The following RETREG1 variants were observed in gnomAD, a reference collection of about 807,000 sequenced individuals.
RETREG1 encodes reticulophagy regulator 1, also known as family with sequence similarity 134 member B.
RETREG1 carries 44 observed loss-of-function variants against 54.8 expected under a neutral mutation model. The observed-to-expected ratio is 0.80, with a 90% CI of 0.63 to 1.03. RETREG1 has a LOEUF of 1.03. Ranked by LOEUF, RETREG1 falls within the 50% of genes least tolerant of loss-of-function variation. RETREG1 has a pLI of 0.00. For synonymous variants in RETREG1, 217 were observed against 238.5 expected, an observed-to-expected ratio of 0.91 and a Z score of 0.83; for missense variants, 554 against 605.1, an observed-to-expected ratio of 0.92 and a Z score of 0.89.
chr5:16,553,693 A>AC (rs1414468038), intron 3 of RETREG1, among the ~76,000 whole-genome samples: 2 of 152,248 alleles, frequency 1.3e-5, no homozygotes, highest in African/African-American at 4.8e-5. Context: ...AGGCAGCAGG[A>AC]CGGGGTGGGC....
Position 16,571,766 on chromosome 5 carries a change from A to C in RETREG1, c.427+230T>G, listed in dbSNP as rs57769014. Among the ~76,000 whole-genome samples the C allele has an allele frequency of 3.2e-3, 492 of 152,272 alleles. 3 individuals are homozygous for C. Among genetic ancestry groups the C allele is most frequent in the African/African-American group, 0.011 (476 of 41,562 alleles). On this transcript the variant is annotated intron_variant, in intron 2 of 8. Coordinates refer to ENST00000306320, the MANE Select transcript of RETREG1 (RefSeq NM_001034850.3). ...TACTTAAATACCAACGTGGTATTTA[A>C]AATAGCTCTTAAGACCAAGAGAAAA...
intron 1 of RETREG1, 25 bp downstream of exon 1, chr5:16,616,627 G>T (rs1229247248): frequency 9.5e-6 from 15 of 1,571,002 alleles, no homozygotes; most frequent in Non-Finnish European, 1.3e-5. Context: ...CCTCCTCAGC[G>T]CCCCCACCTT....
intron 1 of RETREG1, among the ~76,000 whole-genome samples, chr5:16,583,962 T>C (rs545898108): frequency 6.6e-6 from 1 of 152,272 alleles, no homozygotes; most frequent in South Asian, 2.1e-4. Context: ...ACTGCAGCCA[T>C]AAGAAGGAAT....
chr5:16,572,173 C>A, intron 1 of RETREG1, 71 bp from the exon 2 acceptor site: 1 of 1,067,152 alleles, frequency 9.4e-7, no homozygotes, highest in Non-Finnish European at 1.5e-6. Flanking sequence ...GGGTTTACTT[C>A]CTGCCACAGA....
At position 16,474,669 on chromosome 5, in the gene RETREG1, C is replaced by CTTTTTTTTTTTTTTTTCTTTTTT; in HGVS notation, c.*71_*72insAAAAAAGAAAAAAAAAAAAAAAA. 7.9e-7 allele frequency: 1 copy of CTTTTTTTTTTTTTTTTCTTTTTT among 1,264,832 alleles called. No individual in the cohort carries two copies. The highest frequency in any genetic ancestry group is 1.1e-6 in the Non-Finnish European group (1 of 938,062). The allele number at this position is 1,264,832 out of a possible 1,614,324, so 78.4% of individuals were successfully genotyped here. ...CTTACAGTTCAATTTTTTTCTTTTC[C>CTTTTTTTTTTTTTTTTCTTTTTT]TTTTTTTTTTTTTTTTCTTGTTTGA... On this transcript the variant is annotated 3_prime_UTR_variant, in exon 9 of 9. Coordinates refer to ENST00000306320, the MANE Select transcript of RETREG1 (RefSeq NM_001034850.3).
At chr5:16,478,601 G>A (rs1738637231) in intron 6 of RETREG1, among the ~76,000 whole-genome samples, 1 of 152,104 alleles carries the variant, frequency 6.6e-6, no homozygotes, top group Admixed American at 6.5e-5. Flanking sequence ...GCACAATAAA[G>A]AGTGTTGAAG....
At chr5:16,596,626 T>C (rs1343665532) in intron 1 of RETREG1, among the ~76,000 whole-genome samples, 1 of 152,176 alleles carries the variant, frequency 6.6e-6, no homozygotes, top group Non-Finnish European at 1.5e-5. Flanking sequence ...CAGCCTATTC[T>C]AGGATCCGGC....
chr5:16,599,834 A>G (rs1743004411), intron 1 of RETREG1, among the ~76,000 whole-genome samples: 1 of 152,206 alleles, frequency 6.6e-6, no homozygotes, highest in Admixed American at 6.5e-5. Flanking sequence ...AAAGGAGACA[A>G]CAGTGGGGAT....
At chr5:16,543,892 TC>T (rs1741315711) in intron 3 of RETREG1, among the ~76,000 whole-genome samples, 2 of 152,018 alleles carry the variant, frequency 1.3e-5, no homozygotes, top group Non-Finnish European at 2.9e-5. Context: ...ATGTTGAGCA[TC>T]TTTTTATGTG....
At chr5:16,552,942 T>TA (rs1240869520) in intron 3 of RETREG1, among the ~76,000 whole-genome samples, 5 of 152,316 alleles carry the variant, frequency 3.3e-5, no homozygotes, top group African/African-American at 1.2e-4. Flanking sequence ...CAGCCAGCCC[T>TA]AGAACAGGGC....
chr5:16,495,944 G>C (rs765204560), intron 3 of RETREG1, among the ~76,000 whole-genome samples: 3 of 152,056 alleles, frequency 2.0e-5, no homozygotes, highest in Non-Finnish European at 4.4e-5. Context: ...GGGACTGAGG[G>C]GGTTATCAAA....
intron 3 of RETREG1, among the ~76,000 whole-genome samples, chr5:16,533,294 C>T (rs550064261): frequency 2.2e-4 from 33 of 152,156 alleles, no homozygotes; most frequent in African/African-American, 5.1e-4. Flanking sequence ...CCACCCGCCT[C>T]GGCCTCCCAA....
intron 1 of RETREG1, among the ~76,000 whole-genome samples, chr5:16,606,741 C>T (rs1743201756): frequency 6.6e-6 from 1 of 152,202 alleles, no homozygotes; most frequent in African/African-American, 2.4e-5. Flanking sequence ...CCCCACTTAC[C>T]TTGGCTCAGC....
intron 3 of RETREG1, among the ~76,000 whole-genome samples, chr5:16,555,288 A>G (rs1741674940): frequency 6.6e-6 from 1 of 152,168 alleles, no homozygotes; most frequent in Non-Finnish European, 1.5e-5. Flanking sequence ...AGTACCTGGG[A>G]CTACAGGCGT....
intron 1 of RETREG1, among the ~76,000 whole-genome samples, chr5:16,612,677 C>A (rs1743381114): frequency 6.6e-6 from 1 of 152,188 alleles, no homozygotes; most frequent in Non-Finnish European, 1.5e-5. Flanking sequence ...CTTTTTGAGA[C>A]AGGCACTCTA....
intron 3 of RETREG1, among the ~76,000 whole-genome samples, chr5:16,559,666 T>C (rs1370628280): frequency 6.6e-6 from 1 of 152,258 alleles, no homozygotes; most frequent in African/African-American, 2.4e-5. Context: ...TTGAATGATT[T>C]GTTGTATGTA....
chr5:16,607,040 G>A (rs1266576543), intron 1 of RETREG1, among the ~76,000 whole-genome samples: 1 of 152,060 alleles, frequency 6.6e-6, no homozygotes, highest in African/African-American at 2.4e-5. Context: ...AGAGTTACCT[G>A]CTTGGATCAT....
At chr5:16,568,211 T>C (rs764687963) in intron 2 of RETREG1, among the ~76,000 whole-genome samples, 21 of 150,756 alleles carry the variant, frequency 1.4e-4, no homozygotes, top group Non-Finnish European at 2.9e-4. Flanking sequence ...TCACAGGCAA[T>C]ACAAAATAGA....
chr5:16,574,008 A>T (rs1742263063), intron 1 of RETREG1, among the ~76,000 whole-genome samples: 1 of 152,116 alleles, frequency 6.6e-6, no homozygotes, highest in African/African-American at 2.4e-5. Context: ...TGGCCTCCCA[A>T]AGTGCTGGGA....
Sources: gnomAD v4.1 joint callset for allele counts (sites outside exome capture counted in the v4.1 genomes callset) on GRCh38, gnomAD v4.1.1 for gene constraint, MANE v1.5 for transcripts, NCBI Gene and HGNC (gene_info 2026-07-23, HGNC 2026-07-21) for gene names.